The following CNTN6 variants were observed in gnomAD, a reference collection of about 807,000 sequenced individuals.
CNTN6 encodes contactin 6.
Under a neutral mutation model 122.8 loss-of-function variants are expected in CNTN6, and 137 were observed. That is an observed-to-expected ratio of 1.12 (90% CI 0.97 to 1.29). CNTN6 has a LOEUF of 1.29. Among genes scored for constraint, CNTN6 ranks in the 50% most tolerant of loss-of-function variants. The pLI is 0.00. For missense variants in CNTN6, 1,634 were observed against 1,223.4 expected (o/e 1.34, Z -5.01); for synonymous variants, 570 against 426.0 (o/e 1.34, Z -4.16).
chr3:1,397,450 T>C (rs1325685608), intron 20 of CNTN6, among the ~76,000 whole-genome samples: 1 of 152,108 alleles, frequency 6.6e-6, no homozygotes, highest in African/African-American at 2.4e-5. Flanking sequence ...ATGATACTAG[T>C]ATTATTAAAC....
chr3:1,191,661 A>C (rs745556982), intron 2 of CNTN6, among the ~76,000 whole-genome samples: 10 of 152,190 alleles, frequency 6.6e-5, no homozygotes, highest in African/African-American at 9.6e-5. Flanking sequence ...TTTGTAGCCA[A>C]GTTGAGCAGA....
chr3:1,140,381 G>A (rs2125135374), intron 1 of CNTN6, among the ~76,000 whole-genome samples: 1 of 152,232 alleles, frequency 6.6e-6, no homozygotes, highest in Non-Finnish European at 1.5e-5. Flanking sequence ...CTCAATCAGG[G>A]ATCTGCCTTC....
intron 12 of CNTN6, among the ~76,000 whole-genome samples, chr3:1,368,475 AAC>A (rs1389851621): frequency 1.3e-5 from 2 of 152,344 alleles, no homozygotes; most frequent in Non-Finnish European, 2.9e-5. Context: ...CAGTCTATAA[AAC>A]AGTCTTAATG....
chr3:1,329,645 C>A, intron 10 of CNTN6, 140 bp from the exon 11 acceptor site: 1 of 624,090 alleles, frequency 1.6e-6, no homozygotes, highest in South Asian at 3.2e-5. Flanking sequence ...GTATTTGGTC[C>A]AAGAACACCT....
intron 2 of CNTN6, among the ~76,000 whole-genome samples, chr3:1,156,612 T>C (rs1303475591): frequency 6.9e-6 from 1 of 144,998 alleles, no homozygotes; most frequent in Non-Finnish European, 1.5e-5. Flanking sequence ...TTCTTTCTTT[T>C]TCTTTTCTTT....
intron 2 of CNTN6, among the ~76,000 whole-genome samples, chr3:1,159,685 A>G (rs11919988): frequency 0.16 from 24,047 of 151,860 alleles, 2,217 homozygotes; most frequent in East Asian, 0.31. Flanking sequence ...CAATTAATCT[A>G]TATAAAAATA....
At chr3:1,352,758 A>C (rs1182865091) in intron 12 of CNTN6, among the ~76,000 whole-genome samples, 4 of 151,796 alleles carry the variant, frequency 2.6e-5, no homozygotes. Flanking sequence ...GTTTTGATAA[A>C]GTCACTGGAT....
At chr3:1,293,013 T>C (rs1695586492) in intron 5 of CNTN6, among the ~76,000 whole-genome samples, 1 of 152,150 alleles carries the variant, frequency 6.6e-6, no homozygotes, top group Non-Finnish European at 1.5e-5. Flanking sequence ...ATGACACTTT[T>C]TGCATTTTCT....
intron 11 of CNTN6, among the ~76,000 whole-genome samples, chr3:1,336,074 C>A (rs113490879): frequency 0.038 from 5,794 of 151,140 alleles, 308 homozygotes; most frequent in African/African-American, 0.12. Flanking sequence ...ACAACAACAA[C>A]AAAAAAATCC....
At chr3:1,305,986 T>C (rs364380) in intron 7 of CNTN6, among the ~76,000 whole-genome samples, 1,728 of 152,304 alleles carry the variant, frequency 0.011, 36 homozygotes, top group African/African-American at 0.04. Context: ...CAGATTATAC[T>C]GCAGAAAGAT....
chr3:1,295,533 C>G, intron 5 of CNTN6, 68 bp from the exon 6 acceptor site: 2 of 1,362,444 alleles, frequency 1.5e-6, no homozygotes, highest in South Asian at 2.6e-5. Flanking sequence ...AAAGAATTTT[C>G]AGATATGAAT....
chr3:1,374,421 G>A (rs1465081322), intron 16 of CNTN6, among the ~76,000 whole-genome samples: 2 of 152,040 alleles, frequency 1.3e-5, no homozygotes, highest in African/African-American at 4.8e-5. Context: ...TTGTAGCCAG[G>A]AATTAACTGA....
chr3:1,266,161 A>G (rs1437792016), intron 4 of CNTN6, among the ~76,000 whole-genome samples: 1 of 152,130 alleles, frequency 6.6e-6, no homozygotes, highest in Non-Finnish European at 1.5e-5. Context: ...AATGCTTTGG[A>G]AAAAAGTGAG....
chr3:1,178,495 C>T (rs1045581480), intron 2 of CNTN6, among the ~76,000 whole-genome samples: 1 of 152,210 alleles, frequency 6.6e-6, no homozygotes, highest in Non-Finnish European at 1.5e-5. Context: ...TCCAGTAGAG[C>T]TTCAATATAT....
intron 2 of CNTN6, among the ~76,000 whole-genome samples, chr3:1,155,888 G>A (rs1191074879): frequency 6.6e-6 from 1 of 152,136 alleles, no homozygotes; most frequent in African/African-American, 2.4e-5. Context: ...TGACACAGAT[G>A]CCTATGCAGA....
Position 1,388,299 on chromosome 3 carries a change from C to A in CNTN6, c.2704+2502C>A, listed in dbSNP as rs1428011216. Among the ~76,000 whole-genome samples the A allele has an allele frequency of 2.7e-5, 4 of 147,538 alleles. 1 individual carries two copies. The highest frequency in any genetic ancestry group is 4.5e-5 in the Non-Finnish European group (3 of 66,474). On this transcript the variant is annotated intron_variant, in intron 20 of 22. Coordinates refer to ENST00000446702, the MANE Select transcript of CNTN6 (RefSeq NM_001289080.2). ...ACTGGGAGGCACCCCCCAGCAGGGG[C>A]ACACTGACACCTCACACGGCAGGGT...
In CNTN6 at chr3:1,377,072, G is replaced by C; in HGVS notation, c.2163G>C (p.Trp721Cys). 6.3e-7 allele frequency: 1 copy of C among 1,592,076 alleles called. No individual in the cohort carries two copies. Among genetic ancestry groups the C allele is most frequent in the Non-Finnish European group, 8.6e-7 (1 of 1,167,076 alleles). ...GTCGGTCTGAACTCGTCATTACGTGGGAGGTAATTTTCTGTCCAACTGAGT... is the reference window on the plus strand; with the variant it reads ...GTCGGTCTGAACTCGTCATTACGTGCGAGGTAATTTTCTGTCCAACTGAGT... ...GGSRSELVIT[W>C]ESIPEELQNG... Residue 721 changes from tryptophan to cysteine, a missense_variant, in exon 17 of 23, where the codon TGG becomes TGC. Physicochemically the swap from Trp to Cys is radical, Grantham distance 215. Transcript: ENST00000446702.
intron 11 of CNTN6, among the ~76,000 whole-genome samples, chr3:1,345,077 G>A (rs1490214663): frequency 2.0e-5 from 3 of 151,456 alleles, no homozygotes; most frequent in Non-Finnish European, 2.9e-5. Flanking sequence ...CCTGGACAGG[G>A]GTATCAGATG....
chr3:1,314,797 A>G (rs1048195757), intron 7 of CNTN6, among the ~76,000 whole-genome samples: 4 of 152,214 alleles, frequency 2.6e-5, no homozygotes, highest in African/African-American at 9.6e-5. Context: ...TGCTTTTATC[A>G]TCTAGTAGTA....
Sources: allele counts gnomAD v4.1 joint callset (sites outside exome capture counted in the v4.1 genomes callset), GRCh38; gene constraint gnomAD v4.1.1; transcripts MANE v1.5; gene names NCBI Gene and HGNC (gene_info 2026-07-23, HGNC 2026-07-21).